TPR: variants seen among roughly 807,000 people sequenced by gnomAD.
TPR encodes the protein translocated promoter region, nuclear basket protein, also known as nucleoprotein TPR.
A neutral mutation model predicts 316.1 loss-of-function variants in TPR; 51 were observed. That is an observed-to-expected ratio of 0.16 (90% confidence interval 0.13 to 0.20). The LOEUF (loss-of-function observed/expected upper bound fraction) is 0.20, where lower values mean the gene tolerates loss of function less well. Ranked by LOEUF, TPR falls within the 10% of genes least tolerant of loss-of-function variation. The probability of loss-of-function intolerance (pLI) is 1.00; values close to 1 mark genes in which losing one functional copy is unlikely to be tolerated. For synonymous variants in TPR, 981 were observed against 914.7 expected (o/e 1.07, Z -1.31); for missense variants, 2,272 against 2,754.8 (o/e 0.82, Z 3.92).
chr1:186,372,714 G>C (rs964152446), intron 2 of TPR, among the ~76,000 whole-genome samples: 2 of 152,074 alleles, frequency 1.3e-5, no homozygotes, highest in Non-Finnish European at 2.9e-5. Context: ...ACTTGGATGG[G>C]AAAAGCAAAG....
At chr1:186,361,484 C>T (rs1018978081) in intron 9 of TPR, 138 bp downstream of exon 9, 11 of 720,962 alleles carry the variant, frequency 1.5e-5, no homozygotes, top group Admixed American at 1.2e-4. Flanking sequence ...TTTCCTAATC[C>T]AAAGTTCTTT....
Position 186,312,819 on chromosome 1 carries a change from A to C in TPR, c.*1152T>G. 1 of 1,612,024 alleles carries C rather than the reference A, an allele frequency of 6.2e-7. No homozygotes were observed. Among genetic ancestry groups the C allele is most frequent in the East Asian group, 2.2e-5 (1 of 44,826 alleles). ...GAGTATACTGTGGAGAGGACTTCCA[A>C]ATGTGGTTACCTCAGCTATATCACT... is the stretch of plus-strand genomic sequence containing the variant. On this transcript the variant is annotated 3_prime_UTR_variant, in exon 51 of 51. Transcript: ENST00000367478.
At chr1:186,335,836 C>A (rs1339167519) in intron 33 of TPR, among the ~76,000 whole-genome samples, 2 of 152,042 alleles carry the variant, frequency 1.3e-5, no homozygotes, top group African/African-American at 2.4e-5. Context: ...ATGTATCATG[C>A]AATTCATTAC....
intron 7 of TPR, 145 bp from the exon 8 acceptor site, chr1:186,362,014 A>C: frequency 1.4e-6 from 1 of 717,448 alleles, no homozygotes. Context: ...TGACAAAGAT[A>C]AATTAAGGAT....
rs370242362 is a variant in TPR at position 186,334,413 on chromosome 1, G to C, written c.5094C>G (p.Arg1698=). The C allele has an allele frequency of 2.0e-4, 315 of 1,613,508 alleles. No homozygotes were observed. Among genetic ancestry groups the C allele is most frequent in the Admixed American group, 6.8e-4 (41 of 59,914 alleles). Residue 1698 remains arginine (R), a synonymous_variant, in exon 36 of 51, where the codon CGC becomes CGG. Coordinates refer to ENST00000367478, the MANE Select transcript of TPR (RefSeq NM_003292.3). ...TAACAGTTGCAGGTGTAACCATTGG[G>C]CGGATACTAGCCCTGGGTGTTGACT... ...GNKSTPRASI[R]PMVTPATVTN... is the part of the protein sequence containing the mutation.
At chr1:186,351,704 A>T (rs1397489209) in intron 19 of TPR, among the ~76,000 whole-genome samples, 1 of 152,186 alleles carries the variant, frequency 6.6e-6, no homozygotes, top group Non-Finnish European at 1.5e-5. Flanking sequence ...GTTTTAAAGA[A>T]AATAAAAACC....
chr1:186,352,787 A>T (rs977928707), intron 18 of TPR, among the ~76,000 whole-genome samples: 19 of 152,208 alleles, frequency 1.2e-4, no homozygotes, highest in African/African-American at 4.3e-4. Flanking sequence ...TAACCAACCC[A>T]TCTCTCATGA....
chr1:186,357,751 T>A, intron 13 of TPR, 128 bp from the exon 14 acceptor site: 1 of 726,286 alleles, frequency 1.4e-6, no homozygotes, highest in Non-Finnish European at 2.2e-6. Flanking sequence ...AAATTATCTT[T>A]AAAAATAAAG....
chr1:186,348,765 T>G (rs1204265763), intron 21 of TPR, among the ~76,000 whole-genome samples: 2 of 152,102 alleles, frequency 1.3e-5, no homozygotes, highest in Admixed American at 6.6e-5. Context: ...AGATTGGGGG[T>G]GTGTTCTCCC....
At position 186,334,478 on chromosome 1, in the gene TPR, T is replaced by C. The variant is rs1447077712; in HGVS notation, c.5029A>G (p.Thr1677Ala). 1 of 1,613,730 alleles carries C rather than the reference T, an allele frequency of 6.2e-7. No homozygotes were observed. ...GCTGCAGCTGTCACTTTACTTGGAG[T>C]AGACACAACAGGAGTTGGCTTGATA... ...ANIKPTPVVSTPSKVTAAAMA... is the reference protein window; with the variant it reads ...ANIKPTPVVSAPSKVTAAAMA... Residue 1677 changes from threonine to alanine, a missense_variant, in exon 36 of 51, where the codon ACT becomes GCT. This residue lies in a region of TPR where 109 missense variants were observed against 215.3 expected (regional missense o/e 0.51). Coordinates refer to ENST00000367478, the MANE Select transcript of TPR (RefSeq NM_003292.3).
Position 186,355,571 on chromosome 1 carries a change from G to A in TPR, c.2023-13C>T. The A allele has an allele frequency of 6.2e-7, 1 of 1,612,006 alleles. No individual in the cohort carries two copies. Among genetic ancestry groups the A allele is most frequent in the Non-Finnish European group, 8.5e-7 (1 of 1,179,628 alleles). On this transcript the variant is annotated splice_polypyrimidine_tract_variant and intron_variant, in intron 16 of 50. Transcript: ENST00000367478. ...AAATTTCCTGCAACTAAATATTGGA[G>A]ATTATGAGAAGGTAACACTGTGTTC...
At position 186,341,106 on chromosome 1, in the gene TPR, CAG is replaced by C. The variant is rs762585707; in HGVS notation, c.3940_3941del (p.Leu1314GlufsTer2). On this transcript the variant is annotated frameshift_variant, in exon 29 of 51. Transcript: ENST00000367478. LOFTEE classifies it high-confidence loss of function. ...CCTGCAACATACCGCTTTTCTCACT[CAG>C]CTCAGCATTTGCTTCTTGTAAGGGT... Reference protein sequence around the residue: ...ILPLQEANAELSEKSGMLQAE... With the variant: ...ILPLQEANAEXSEKSGMLQAE... The C allele has an allele frequency of 6.2e-7, 1 of 1,614,134 alleles. No homozygotes were observed. The highest frequency in any genetic ancestry group is 8.5e-7 in the Non-Finnish European group (1 of 1,180,006).
chr1:186,372,203 C>T (rs1343161319), intron 2 of TPR, among the ~76,000 whole-genome samples: 1 of 152,218 alleles, frequency 6.6e-6, no homozygotes, highest in Non-Finnish European at 1.5e-5. Context: ...TGATTATGAA[C>T]TTCCTGTGTT....
intron 5 of TPR, 31 bp downstream of exon 5, chr1:186,363,311 G>C (rs1659248473): frequency 1.3e-6 from 2 of 1,505,978 alleles, no homozygotes; most frequent in South Asian, 2.3e-5. Context: ...AAAAGCTATA[G>C]TTTATGCATT....
At chr1:186,322,163 A>G (rs1434742320) in intron 45 of TPR, among the ~76,000 whole-genome samples, 155 bp downstream of exon 45, 2 of 152,222 alleles carry the variant, frequency 1.3e-5, no homozygotes, top group Non-Finnish European at 2.9e-5. Flanking sequence ...ATTTTCCCCA[A>G]CAATACATCC....
intron 19 of TPR, 33 bp downstream of exon 19, chr1:186,351,943 C>A: frequency 6.4e-7 from 1 of 1,556,378 alleles, no homozygotes; most frequent in Non-Finnish European, 8.6e-7. Flanking sequence ...AACTTTTATA[C>A]ATTTTTTCTA....
rs367898392 is a variant in TPR at position 186,374,390 on chromosome 1, T to C, written c.151+488A>G. 2.8e-4 allele frequency among the ~76,000 whole-genome samples: 43 copies of C among 152,322 alleles called. No individual in the cohort carries two copies. In the South Asian group the frequency reaches 8.9e-3, roughly 32 times the overall value. ...ACATTCACTGTGTTTCCAGCGCTCT[T>C]ATGCACCTAATATTCATTTTTGTAA... On this transcript the variant is annotated intron_variant, in intron 1 of 50. Transcript: ENST00000367478.
At chr1:186,368,044 AG>A in intron 3 of TPR, 62 bp from the exon 4 acceptor site, 1 of 1,217,636 alleles carries the variant, frequency 8.2e-7, no homozygotes, top group Non-Finnish European at 1.2e-6. Flanking sequence ...AAGCGAACAT[AG>A]AATTGTCACT....
At chr1:186,320,496 A>G (rs1657746833) in intron 45 of TPR, 78 bp from the exon 46 acceptor site, 1 of 1,238,614 alleles carries the variant, frequency 8.1e-7, no homozygotes, top group African/African-American at 1.5e-5. Flanking sequence ...AAATATAGGA[A>G]GAAGGAAGAA....
Sources: allele counts gnomAD v4.1 joint callset (sites outside exome capture counted in the v4.1 genomes callset), GRCh38; gene constraint gnomAD v4.1.1; regional missense constraint gnomAD v4.1.1; transcripts MANE v1.5; gene names NCBI Gene and HGNC (gene_info 2026-07-23, HGNC 2026-07-21).